The following PTCH1 variants were observed in gnomAD, a reference collection of about 807,000 sequenced individuals.
PTCH1 encodes patched 1.
Under a neutral mutation model 144.6 loss-of-function variants are expected in PTCH1, and 14 were observed. The observed-to-expected ratio is 0.10, with a 90% CI of 0.06 to 0.15. The LOEUF (loss-of-function observed/expected upper bound fraction) is 0.15. Ranked by LOEUF, PTCH1 falls within the 10% of genes least tolerant of loss-of-function variation. The pLI, the probability that PTCH1 is intolerant of heterozygous loss-of-function variation, is 1.00. For missense variants in PTCH1, 1,623 were observed against 1,948.3 expected (o/e 0.83, Z 3.14); for synonymous variants, 833 against 793.6 (o/e 1.05, Z -0.83).
rs548555988 is a variant in PTCH1 at position 95,446,812 on chromosome 9, C to T, written c.*1+99G>A. 2.1e-4 allele frequency: 310 copies of T among 1,495,282 alleles called. No individual in the cohort carries two copies. The East Asian group carries it at 5.3e-3, about 26-fold the overall frequency. 92.6% of individuals were successfully genotyped at this position (1,495,282 alleles called of 1,614,324 possible). On this transcript the variant is annotated intron_variant, in intron 23 of 23. Coordinates refer to ENST00000331920, the MANE Select transcript of PTCH1 (RefSeq NM_000264.5). ...GGGTCCAGCGTGGGATGTGCCCGAG[C>T]GCCACAGCCCCTCGGGGATGCCGAG... is the stretch of plus-strand genomic sequence containing the variant.
At chr9:95,470,698 G>A (rs1840486272) in intron 12 of PTCH1, among the ~76,000 whole-genome samples, 2 of 152,098 alleles carry the variant, frequency 1.3e-5, no homozygotes, top group South Asian at 2.1e-4. Flanking sequence ...GACCCAGCTC[G>A]GAAGGGCACG....
Position 95,476,195 on chromosome 9 carries a change from T to C in PTCH1, c.1603-36A>G. 6.3e-7 allele frequency: 1 copy of C among 1,599,666 alleles called. No homozygotes were observed. The highest frequency in any genetic ancestry group is 1.1e-5 in the South Asian group (1 of 88,946). ...AAAAACACAGCGCTGAGAGCTGCAC[T>C]GGACATGGTCCCCTTGGAGCACAGA... On this transcript the variant is annotated intron_variant, in intron 11 of 23. Transcript: ENST00000331920. The surrounding 1 kb of genome is among the most constrained non-coding windows in gnomAD (Gnocchi z 4.6).
chr9:95,515,675 T>C (rs1389359021), intron 1 of PTCH1, among the ~76,000 whole-genome samples: 3 of 152,124 alleles, frequency 2.0e-5, no homozygotes, highest in African/African-American at 4.8e-5. Flanking sequence ...CACTCTGCAC[T>C]CTAAGCACTG....
chr9:95,516,351 G>T, intron 1 of PTCH1: 1 of 783,648 alleles, frequency 1.3e-6, no homozygotes, highest in Non-Finnish European at 1.6e-6. Context: ...CGGCGCTCGG[G>T]GCTCGCTCCT....
At chr9:95,455,443 G>C (rs764760589) in intron 19 of PTCH1, among the ~76,000 whole-genome samples, 2 of 152,212 alleles carry the variant, frequency 1.3e-5, no homozygotes, top group Non-Finnish European at 2.9e-5. Flanking sequence ...ACAGGTGAAC[G>C]CATTTACTTA....
chr9:95,462,813 C>A (rs1839618797), intron 15 of PTCH1, among the ~76,000 whole-genome samples: 1 of 152,178 alleles, frequency 6.6e-6, no homozygotes, highest in Non-Finnish European at 1.5e-5. Context: ...GATGGGCGAG[C>A]CCGCCAGCAC....
In PTCH1 at chr9:95,449,436, T is replaced by TGC; in HGVS notation, c.3550-115_3550-114dup. Reference sequence around the variant, plus strand: ...GCCTCTGTTCCCTGCCCTGGGGCCCTGCGCACTGTGCCGTATTAACCTCCC... The same window carrying TGC: ...GCCTCTGTTCCCTGCCCTGGGGCCCTGCGCGCACTGTGCCGTATTAACCTCCC... On this transcript the variant is annotated intron_variant, in intron 21 of 23. Transcript: ENST00000331920. This position sits in a 1 kb window ranked among gnomAD's most constrained non-coding sequence, Gnocchi z 5.3. 7.0e-7 allele frequency: 1 copy of TGC among 1,428,340 alleles called. No homozygotes were observed. The highest frequency in any genetic ancestry group is 9.5e-7 in the Non-Finnish European group (1 of 1,049,656). 88.5% of individuals were successfully genotyped at this position (1,428,340 alleles called of 1,614,324 possible). A position where few individuals can be genotyped will look rare whatever the true frequency, so the allele number is the denominator to read the frequency against.
chr9:95,504,833 C>G (rs1311098085), intron 2 of PTCH1, among the ~76,000 whole-genome samples: 1 of 152,062 alleles, frequency 6.6e-6, no homozygotes, highest in African/African-American at 2.4e-5. Flanking sequence ...GCATCGAATT[C>G]TAATAGTTTT....
chr9:95,507,764 C>CA (rs1381235266), intron 1 of PTCH1: 1 of 249,602 alleles, frequency 4.0e-6, no homozygotes, highest in African/African-American at 2.3e-5. Flanking sequence ...GTTTAGGCTG[C>CA]AAATAGGGGC....
intron 2 of PTCH1, among the ~76,000 whole-genome samples, chr9:95,505,247 C>G (rs1843477362): frequency 6.6e-6 from 1 of 152,152 alleles, no homozygotes; most frequent in Non-Finnish European, 1.5e-5. Flanking sequence ...AGCGATTATG[C>G]GCATAACTCT....
chr9:95,451,003 A>AC (rs1564010970), intron 20 of PTCH1: 7 of 144,876 alleles, frequency 4.8e-5, no homozygotes, highest in Non-Finnish European at 7.9e-5. Flanking sequence ...ATGTTCTGGG[A>AC]AGGGGGGGGC....
intron 15 of PTCH1, among the ~76,000 whole-genome samples, chr9:95,462,927 G>A (rs1210761616): frequency 6.6e-6 from 1 of 152,156 alleles, no homozygotes; most frequent in Admixed American, 6.5e-5. Flanking sequence ...GAGAAAACAG[G>A]GCCCCGGTGA....
chr9:95,503,590 G>A (rs1318565019), intron 2 of PTCH1, among the ~76,000 whole-genome samples: 2 of 152,204 alleles, frequency 1.3e-5, no homozygotes, highest in East Asian at 1.9e-4. Flanking sequence ...ATCAAGGACA[G>A]GGCAACAGAA....
chr9:95,516,546 C>T, exon 1 of PTCH1: 1 of 1,540,874 alleles, frequency 6.5e-7, no homozygotes, highest in Non-Finnish European at 8.7e-7. Flanking sequence ...ACATCAATTC[C>T]TTTTTTTTCC....
At chr9:95,478,382 G>A (rs1450868401) in intron 8 of PTCH1, among the ~76,000 whole-genome samples, 196 bp from the exon 9 acceptor site, 1 of 152,170 alleles carries the variant, frequency 6.6e-6, no homozygotes, top group East Asian at 1.9e-4. Context: ...TAGGACAAGG[G>A]CCATGGCTAA....
chr9:95,475,995 C>A (rs570213017), intron 12 of PTCH1, 39 bp downstream of exon 12: 10 of 1,612,170 alleles, frequency 6.2e-6, no homozygotes, highest in Non-Finnish European at 8.5e-6. Flanking sequence ...GTCAGTGCCC[C>A]GTTCAGGATC....
intron 2 of PTCH1, among the ~76,000 whole-genome samples, chr9:95,499,739 GTTATT>G (rs1450621311): frequency 1.3e-5 from 2 of 152,106 alleles, no homozygotes; most frequent in Admixed American, 1.3e-4. Flanking sequence ...CCCCTTTACA[GTTATT>G]TTATAATATT....
At chr9:95,484,440 G>C (rs960193526) in intron 3 of PTCH1, 1 of 152,152 alleles carries the variant, frequency 6.6e-6, no homozygotes, top group Non-Finnish European at 1.5e-5. Context: ...CATGTGACTC[G>C]ACCCTGGCTG....
intron 12 of PTCH1, among the ~76,000 whole-genome samples, chr9:95,473,027 T>C (rs183839707): frequency 2.0e-5 from 3 of 152,322 alleles, no homozygotes; most frequent in Admixed American, 1.3e-4. Flanking sequence ...GAGGTTCCAC[T>C]TGAACCCTCC....
Sources: gnomAD v4.1 joint callset for allele counts (sites outside exome capture counted in the v4.1 genomes callset) on GRCh38, gnomAD v4.1.1 for gene constraint, Gnocchi (gnomAD v3.1) non-coding constraint, MANE v1.5 for transcripts, NCBI Gene and HGNC (gene_info 2026-07-23, HGNC 2026-07-21) for gene names.